Variants in RBFOX1 observed in about 807,000 individuals in gnomAD.
RBFOX1 encodes the protein RNA binding protein fox-1 homolog 1.
Under a neutral mutation model 57.7 loss-of-function variants are expected in RBFOX1, and 8 were observed. That is an observed-to-expected ratio of 0.14 (90% CI 0.08 to 0.25). The LOEUF is 0.25. Ranked by LOEUF, RBFOX1 falls within the 10% of genes least tolerant of loss-of-function variation. The pLI, the probability that RBFOX1 is intolerant of heterozygous loss-of-function variation, is 1.00. For missense variants in RBFOX1, 611 were observed against 548.5 expected (o/e 1.11, Z -1.14); for synonymous variants, 326 against 222.4 (o/e 1.47, Z -4.15).
chr16:7,055,241 A>G (rs1409852047), intron 4 of RBFOX1, among the ~76,000 whole-genome samples: 1 of 152,200 alleles, frequency 6.6e-6, no homozygotes, highest in Admixed American at 6.5e-5. Flanking sequence ...AACTCAGCTG[A>G]CTACGCAACA....
At chr16:6,346,611 C>G (rs559972008) in intron 2 of RBFOX1, among the ~76,000 whole-genome samples, 7 of 152,204 alleles carry the variant, frequency 4.6e-5, no homozygotes, top group African/African-American at 1.7e-4. Context: ...TCTTCTGGTT[C>G]CGATGGCAGC....
At chr16:5,782,928 T>C (rs2054371446) in intron 3 of RBFOX1, among the ~76,000 whole-genome samples, 2 of 152,330 alleles carry the variant, frequency 1.3e-5, no homozygotes, top group African/African-American at 2.4e-5. Flanking sequence ...TTTTGTTCTA[T>C]GTAGGCCCTC....
At chr16:5,788,319 C>A (rs1346111218) in intron 3 of RBFOX1, among the ~76,000 whole-genome samples, 1 of 152,146 alleles carries the variant, frequency 6.6e-6, no homozygotes, top group African/African-American at 2.4e-5. Flanking sequence ...TTTAGCGCAA[C>A]AAAAGCGTCT....
intron 4 of RBFOX1, among the ~76,000 whole-genome samples, chr16:7,175,565 A>G (rs999275793): frequency 1.3e-5 from 2 of 152,174 alleles, no homozygotes; most frequent in Non-Finnish European, 2.9e-5. Context: ...CATAGGGCTC[A>G]TAGGCAAAGG....
chr16:6,559,904 C>T (rs1021687599), intron 2 of RBFOX1, among the ~76,000 whole-genome samples: 3 of 152,098 alleles, frequency 2.0e-5, no homozygotes, highest in African/African-American at 7.2e-5. Flanking sequence ...GGTTCCTTCC[C>T]TGAGTTCTCA....
chr16:7,060,428 C>T (rs896958080), intron 4 of RBFOX1, among the ~76,000 whole-genome samples: 1 of 152,116 alleles, frequency 6.6e-6, no homozygotes, highest in East Asian at 1.9e-4. Context: ...CATGCACGTT[C>T]ATATGTTTTA....
chr16:5,369,379 G>C (rs534798632), intron 1 of RBFOX1, among the ~76,000 whole-genome samples: 1 of 152,296 alleles, frequency 6.6e-6, no homozygotes, highest in South Asian at 2.1e-4. Flanking sequence ...TGTCTCTAAG[G>C]CCCTTGGAAT....
chr16:7,422,779 G>T (rs1248852605), intron 4 of RBFOX1: 1 of 152,222 alleles, frequency 6.6e-6, no homozygotes, highest in African/African-American at 2.4e-5. Flanking sequence ...GAGCAAAGCA[G>T]TGTGATTAAT....
intron 3 of RBFOX1, among the ~76,000 whole-genome samples, chr16:6,916,378 G>C (rs1385983634): frequency 6.6e-6 from 1 of 152,106 alleles, no homozygotes; most frequent in Non-Finnish European, 1.5e-5. Flanking sequence ...TCTGTGCATG[G>C]GGTTTGGATG....
chr16:5,319,709 A>G (rs1450967055), intron 1 of RBFOX1, among the ~76,000 whole-genome samples: 2 of 152,238 alleles, frequency 1.3e-5, no homozygotes, highest in East Asian at 1.9e-4. Flanking sequence ...AGAGGCTGCA[A>G]TCACAACTCT....
chr16:5,359,140 G>A lies in RBFOX1; in HGVS notation c.220-108076G>A, dbSNP rs76973482. ...TCATCCACATTTTTGCAAATGTCAG[G>A]ACCTCATTCTTTTTTGATGGTGGCA... On this transcript the variant is annotated intron_variant, in intron 1 of 2. Coordinates refer to the RBFOX1 transcript ENST00000585867. 9.2e-4 allele frequency among the ~76,000 whole-genome samples: 140 copies of A among 152,268 alleles called. 4 individuals are homozygous for A. In the East Asian group the frequency reaches 0.024, roughly 26 times the overall value.
At chr16:7,432,682 A>G (rs2098691636) in intron 4 of RBFOX1, among the ~76,000 whole-genome samples, 1 of 152,194 alleles carries the variant, frequency 6.6e-6, no homozygotes, top group Non-Finnish European at 1.5e-5. Flanking sequence ...TTTATTTACC[A>G]AAACAGATGG....
At chr16:6,778,349 A>G (rs2079747419) in intron 3 of RBFOX1, among the ~76,000 whole-genome samples, 1 of 152,210 alleles carries the variant, frequency 6.6e-6, no homozygotes, top group Non-Finnish European at 1.5e-5. Context: ...TTCGATAATT[A>G]AAACTCATAG....
intron 4 of RBFOX1, among the ~76,000 whole-genome samples, chr16:7,056,359 C>A (rs12709169): frequency 0.44 from 66,941 of 151,976 alleles, 18,070 homozygotes; most frequent in South Asian, 0.62. Flanking sequence ...TCTGAGCTTG[C>A]AATTCACATT....
chr16:5,703,665 C>G (rs1280678285), intron 3 of RBFOX1, among the ~76,000 whole-genome samples: 2 of 152,164 alleles, frequency 1.3e-5, no homozygotes, highest in African/African-American at 2.4e-5. Flanking sequence ...TTACTTAACT[C>G]TCTGAGCCCA....
intron 2 of RBFOX1, among the ~76,000 whole-genome samples, chr16:6,646,280 A>C (rs1157179159): frequency 2.0e-5 from 3 of 152,152 alleles, no homozygotes; most frequent in Non-Finnish European, 4.4e-5. Context: ...TGAGTCCAGC[A>C]TTGTTCAGAA....
At chr16:7,139,537 C>G (rs1213896953) in intron 4 of RBFOX1, among the ~76,000 whole-genome samples, 1 of 152,190 alleles carries the variant, frequency 6.6e-6, no homozygotes, top group East Asian at 1.9e-4. Context: ...TAACATGGTT[C>G]CTGGCATATT....
intron 4 of RBFOX1, among the ~76,000 whole-genome samples, chr16:7,090,628 G>A (rs2060671278): frequency 6.6e-6 from 1 of 151,936 alleles, no homozygotes; most frequent in Non-Finnish European, 1.5e-5. Flanking sequence ...AATAAATTTT[G>A]TAGTTTTCGT....
chr16:6,424,035 C>T (rs988000929), intron 2 of RBFOX1, among the ~76,000 whole-genome samples: 21 of 151,862 alleles, frequency 1.4e-4, no homozygotes, highest in African/African-American at 2.4e-5. Flanking sequence ...GTCAGGAGTT[C>T]GAGACCAGCC....
Sources: gnomAD v4.1 joint callset for allele counts (sites outside exome capture counted in the v4.1 genomes callset) on GRCh38, gnomAD v4.1.1 for gene constraint, MANE v1.5 for transcripts, NCBI Gene and HGNC (gene_info 2026-07-23, HGNC 2026-07-21) for gene names.